The following MAP7D2 variants were observed in gnomAD, a reference collection of about 807,000 sequenced individuals.
MAP7D2 encodes MAP7 domain-containing protein 2.
In MAP7D2, 33 loss-of-function variants were observed where a neutral mutation model predicts 63.5. That is an observed-to-expected ratio of 0.52 (90% confidence interval 0.39 to 0.70). The LOEUF is 0.70. MAP7D2 is among the 30% of genes least tolerant of loss of function. The pLI is 0.00. For missense variants in MAP7D2, 626 were observed against 604.0 expected, an observed-to-expected ratio of 1.04 and a Z score of -0.38; for synonymous variants, 224 against 223.7, an observed-to-expected ratio of 1.00 and a Z score of -0.01.
intron 8 of MAP7D2, among the ~76,000 whole-genome samples, chrX:20,035,317 C>T: frequency 9.0e-6 from 1 of 111,211 alleles, no homozygotes. Context: ...GTACTGTGCT[C>T]AACTGTGTAC....
At position 20,025,785 on chromosome X, in the gene MAP7D2, G is replaced by A; in HGVS notation, c.1175C>T (p.Ala392Val). Residue 392 changes from alanine to valine, a missense_variant, in exon 9 of 17, where the codon GCT (alanine) becomes GTT (valine). Ala to Val is a moderately conservative substitution (Grantham distance 64). Coordinates refer to ENST00000379643, the MANE Select transcript of MAP7D2 (RefSeq NM_001168465.2). ...GGCTTCCTCTCCTTGCGGGCCAGCA[G>A]CCTGCTGAGCCAAGGTACCTTCCCT... is the stretch of plus-strand genomic sequence containing the variant. ...KEREGTLAQQAAGPQGEEALE... is the reference protein window; with the variant it reads ...KEREGTLAQQVAGPQGEEALE... 1 of 1,211,738 alleles carries A rather than the reference G, an allele frequency of 8.3e-7. No individual in the cohort carries two copies. The highest frequency in any genetic ancestry group is 3.0e-5 in the East Asian group (1 of 33,846).
rs1295802375 is a variant in MAP7D2, at chrX:20,063,449, C to G, written c.337G>C (p.Glu113Gln). 5 of 1,210,379 alleles carry G rather than the reference C, an allele frequency of 4.1e-6. No homozygotes were observed. In the African/African-American group the frequency reaches 8.7e-5, roughly 21 times the overall value. ...QREDQKRAAV[E>Q]EKRKQKLREE... ...CGGAGCTTCTGTTTCCTTTTCTCTT[C>G]CACAGCAGCTCTCTTTTGGTCCTCC... The change falls in exon 3 of 17, where the codon GAA becomes CAA. Residue 113 changes from glutamate to glutamine, a missense_variant. Physicochemically the swap from Glu to Gln is conservative, Grantham distance 29. Transcript: ENST00000379643.
intron 8 of MAP7D2, among the ~76,000 whole-genome samples, chrX:20,040,151 C>G (rs1191021778): frequency 2.7e-5 from 3 of 111,345 alleles, no homozygotes; most frequent in African/African-American, 6.5e-5. Context: ...GGACCTTCGA[C>G]CACAGACTAA....
At chrX:20,027,702 A>G (rs1193117750) in intron 8 of MAP7D2, among the ~76,000 whole-genome samples, 1 of 105,717 alleles carries the variant, frequency 9.5e-6, no homozygotes, top group Non-Finnish European at 2.0e-5. Context: ...GGAGAGAGAA[A>G]GAGAGGGAGA....
chrX:20,103,601 A>C (rs2066493553), intron 1 of MAP7D2, among the ~76,000 whole-genome samples: 1 of 112,273 alleles, frequency 8.9e-6, no homozygotes, highest in Non-Finnish European at 1.9e-5. Flanking sequence ...TCCTGATCCT[A>C]ATCTGTCGAG....
intron 10 of MAP7D2, among the ~76,000 whole-genome samples, chrX:20,024,408 C>T (rs2073767224): frequency 8.9e-6 from 1 of 111,744 alleles, no homozygotes; most frequent in African/African-American, 3.3e-5. Flanking sequence ...TGTCTTGCTC[C>T]CAGATGGGAC....
chrX:20,067,854 A>C (rs752318139), intron 1 of MAP7D2, among the ~76,000 whole-genome samples: 1 of 112,501 alleles, frequency 8.9e-6, no homozygotes, highest in African/African-American at 3.2e-5. Flanking sequence ...TCATTAGAGC[A>C]GTATGAAGTA....
chrX:20,095,072 A>G (rs937879215), intron 1 of MAP7D2, among the ~76,000 whole-genome samples: 1 of 101,093 alleles, frequency 9.9e-6, no homozygotes. Context: ...GACTCTGTCT[A>G]AAAAAAAAAA....
intron 1 of MAP7D2, among the ~76,000 whole-genome samples, chrX:20,113,569 G>A (rs767258397): frequency 6.2e-5 from 7 of 112,220 alleles, no homozygotes; most frequent in African/African-American, 1.9e-4. Context: ...GGATTAAAGC[G>A]TTCAAGAATG....
chrX:20,019,449 G>T (rs1326746975), intron 10 of MAP7D2, among the ~76,000 whole-genome samples: 2 of 111,748 alleles, frequency 1.8e-5, no homozygotes, highest in Admixed American at 1.9e-4. Flanking sequence ...TTGGCATTCA[G>T]TGGATGCATC....
chrX:20,064,855 T>A, intron 1 of MAP7D2, 50 bp from the exon 2 acceptor site: 4 of 1,093,112 alleles, frequency 3.7e-6, no homozygotes, highest in Non-Finnish European at 5.1e-6. Flanking sequence ...TCTTTCCCTA[T>A]CTGCTAAGTA....
intron 1 of MAP7D2, among the ~76,000 whole-genome samples, chrX:20,111,677 G>A (rs919966642): frequency 9.0e-6 from 1 of 111,689 alleles, no homozygotes; most frequent in East Asian, 2.8e-4. Flanking sequence ...TGTGGTGATG[G>A]CTGCACAACT....
chrX:20,042,745 C>CGT, intron 7 of MAP7D2, 116 bp from the exon 8 acceptor site: 1 of 889,128 alleles, frequency 1.1e-6, no homozygotes, highest in Non-Finnish European at 1.6e-6. Flanking sequence ...CGATATGAAG[C>CGT]TATAACGCTT....
intron 5 of MAP7D2, among the ~76,000 whole-genome samples, chrX:20,051,552 A>AC (rs1264397288): frequency 5.5e-5 from 6 of 108,841 alleles, no homozygotes; most frequent in Admixed American, 3.0e-4. Context: ...TCTCAAAAAA[A>AC]AAACAAACAA....
intron 1 of MAP7D2, among the ~76,000 whole-genome samples, chrX:20,111,338 C>T (rs2066737530): frequency 8.9e-6 from 1 of 112,155 alleles, no homozygotes; most frequent in Non-Finnish European, 1.9e-5. Flanking sequence ...CCGCTGTGTA[C>T]ATTACATTCA....
At position 20,116,700 on chromosome X, in the gene MAP7D2, C is replaced by T. The variant is rs775554977; in HGVS notation, c.130+50G>A. ...GCCCTGGGCCGCCGGGCCCGCCCCC[C>T]CACAGGAACCCGAAGCCCTCGGGCG... On this transcript the variant is annotated intron_variant, in intron 1 of 16. Coordinates refer to ENST00000379643, the MANE Select transcript of MAP7D2 (RefSeq NM_001168465.2). The T allele has an allele frequency of 5.4e-6, 6 of 1,120,254 alleles. No homozygotes were observed. The African/African-American group carries it at 5.6e-5, about 10-fold the overall frequency. The allele number at this position is 1,120,254 out of a possible 1,213,427, so 92.3% of individuals were successfully genotyped here.
chrX:20,088,505 T>C (rs1270352837), intron 1 of MAP7D2, among the ~76,000 whole-genome samples: 1 of 74,793 alleles, frequency 1.3e-5, no homozygotes, highest in South Asian at 6.4e-4. Flanking sequence ...TTTTTTTTTT[T>C]GCAGAGACAG....
At chrX:20,104,629 T>G (rs1370468761) in intron 1 of MAP7D2, among the ~76,000 whole-genome samples, 4 of 112,208 alleles carry the variant, frequency 3.6e-5, no homozygotes, top group Non-Finnish European at 7.5e-5. Context: ...TAAAAGAGCT[T>G]TTGGTCTGTA....
intron 1 of MAP7D2, among the ~76,000 whole-genome samples, chrX:20,096,545 A>G (rs980924305): frequency 2.7e-5 from 3 of 110,948 alleles, no homozygotes; most frequent in Admixed American, 1.9e-4. Flanking sequence ...ACATTGGATA[A>G]ATTTTTTATG....
Sources: allele counts gnomAD v4.1 joint callset (sites outside exome capture counted in the v4.1 genomes callset), GRCh38; gene constraint gnomAD v4.1.1; transcripts MANE v1.5; gene names NCBI Gene and HGNC (gene_info 2026-07-23, HGNC 2026-07-21).